VOPP1: variants seen among roughly 807,000 people sequenced by gnomAD.
The protein encoded by VOPP1 is VOPP1 WW domain binding protein.
A neutral mutation model predicts 23.5 loss-of-function variants in VOPP1; 8 were observed. That is an observed-to-expected ratio of 0.34 (90% confidence interval 0.20 to 0.61). VOPP1 has a LOEUF of 0.61. Among genes scored for constraint, VOPP1 ranks in the 20% least tolerant of loss-of-function variants. The probability of loss-of-function intolerance (pLI) is 0.78; values close to 1 mark genes in which losing one functional copy is unlikely to be tolerated. For synonymous variants in VOPP1, 83 were observed against 97.3 expected, an observed-to-expected ratio of 0.85 and a Z score of 0.86; for missense variants, 174 against 238.1, an observed-to-expected ratio of 0.73 and a Z score of 1.77.
At chr7:55,535,523 G>T (rs953899685) in intron 1 of VOPP1, among the ~76,000 whole-genome samples, 2 of 151,930 alleles carry the variant, frequency 1.3e-5, no homozygotes, top group Admixed American at 1.3e-4. Context: ...CCAGTCCCCC[G>T]CCCCGCAGCC....
At chr7:55,493,525 C>G (rs1583907683) in intron 3 of VOPP1, among the ~76,000 whole-genome samples, 1 of 152,250 alleles carries the variant, frequency 6.6e-6, no homozygotes, top group Non-Finnish European at 1.5e-5. Flanking sequence ...TCTTGGAAGG[C>G]TGAGCAGGGA....
chr7:55,561,624 G>T (rs1361879981), intron 1 of VOPP1, among the ~76,000 whole-genome samples: 1 of 151,722 alleles, frequency 6.6e-6, no homozygotes, highest in African/African-American at 2.4e-5. Flanking sequence ...AGGAGAGGGG[G>T]AGGCGGAGGT....
chr7:55,542,017 CAA>C (rs764376915), intron 1 of VOPP1, among the ~76,000 whole-genome samples: 27 of 152,226 alleles, frequency 1.8e-4, no homozygotes, highest in East Asian at 1.7e-3. Flanking sequence ...GTGACTCTAT[CAA>C]AAATTAAATC....
intron 2 of VOPP1, among the ~76,000 whole-genome samples, chr7:55,508,634 T>A (rs961473308): frequency 6.6e-6 from 1 of 152,214 alleles, no homozygotes; most frequent in East Asian, 1.9e-4. Context: ...TTCAGTAAAC[T>A]GCTGATCATT....
At chr7:55,490,181 C>T (rs575651819) in intron 4 of VOPP1, among the ~76,000 whole-genome samples, 127 of 152,146 alleles carry the variant, frequency 8.3e-4, no homozygotes, top group South Asian at 7.5e-3. Context: ...CGATGTGCTT[C>T]TGTTTTTTGT....
intron 4 of VOPP1, among the ~76,000 whole-genome samples, chr7:55,454,405 T>C (rs956420547): frequency 6.6e-6 from 1 of 152,144 alleles, no homozygotes; most frequent in African/African-American, 2.4e-5. Flanking sequence ...TCTGAAACTA[T>C]TCCAAACAAT....
chr7:55,478,567 G>A (rs1333150991), intron 4 of VOPP1, among the ~76,000 whole-genome samples: 1 of 151,936 alleles, frequency 6.6e-6, no homozygotes. Flanking sequence ...AAACTGAAAG[G>A]GAGAAACAAA....
intron 1 of VOPP1, among the ~76,000 whole-genome samples, chr7:55,522,050 G>C (rs1795896679): frequency 6.6e-6 from 1 of 152,200 alleles, no homozygotes; most frequent in Non-Finnish European, 1.5e-5. Flanking sequence ...ACTGGCAAAG[G>C]GACGGCAAAC....
intron 1 of VOPP1, among the ~76,000 whole-genome samples, chr7:55,545,469 C>CA (rs1430150431): frequency 1.3e-5 from 2 of 152,210 alleles, no homozygotes; most frequent in East Asian, 3.9e-4. Context: ...GGGAGGCACT[C>CA]AGAGGCGCAG....
At chr7:55,502,164 A>G (rs1794414585) in intron 2 of VOPP1, among the ~76,000 whole-genome samples, 1 of 152,216 alleles carries the variant, frequency 6.6e-6, no homozygotes, top group Non-Finnish European at 1.5e-5. Context: ...CCCATGCTGG[A>G]GAGAGCAGAC....
chr7:55,522,040 A>G (rs1795896068), intron 1 of VOPP1, among the ~76,000 whole-genome samples: 2 of 152,220 alleles, frequency 1.3e-5, no homozygotes, highest in South Asian at 4.1e-4. Flanking sequence ...CAGCAGGAAC[A>G]CTGGCAAAGG....
chr7:55,492,004 G>A (rs887963278), intron 4 of VOPP1, among the ~76,000 whole-genome samples: 1 of 152,184 alleles, frequency 6.6e-6, no homozygotes, highest in Admixed American at 6.5e-5. Flanking sequence ...TTAAGGAAAA[G>A]GGCAGAGAGC....
At chr7:55,568,734 A>G (rs762387900) in intron 1 of VOPP1, among the ~76,000 whole-genome samples, 48 of 152,250 alleles carry the variant, frequency 3.2e-4, no homozygotes, top group Non-Finnish European at 3.5e-4. Context: ...GGAGGTGCAT[A>G]TGCTTAGGGC....
intron 4 of VOPP1, among the ~76,000 whole-genome samples, chr7:55,461,927 A>G (rs931257547): frequency 6.6e-6 from 1 of 152,034 alleles, no homozygotes; most frequent in Non-Finnish European, 1.5e-5. Context: ...TCTCATTTGT[A>G]TCTGCTCCAC....
At chr7:55,558,231 A>AACC (rs1797873969) in intron 1 of VOPP1, among the ~76,000 whole-genome samples, 1 of 152,124 alleles carries the variant, frequency 6.6e-6, no homozygotes, top group Admixed American at 6.5e-5. Context: ...TAATAATAAT[A>AACC]ACCAGACAGC....
At chr7:55,513,668 G>T (rs193143615) in intron 2 of VOPP1, among the ~76,000 whole-genome samples, 2 of 152,304 alleles carry the variant, frequency 1.3e-5, no homozygotes, top group Admixed American at 6.5e-5. Flanking sequence ...CCTGGTGTCA[G>T]CTGCCAAGTC....
chr7:55,435,795 C>T (rs890977184), downstream of VOPP1, among the ~76,000 whole-genome samples: 5 of 152,350 alleles, frequency 3.3e-5, no homozygotes, highest in East Asian at 1.9e-4. Context: ...GTGGGAAGCT[C>T]GGTTCTTCTG....
At chr7:55,558,074 G>C (rs1424786869) in intron 1 of VOPP1, among the ~76,000 whole-genome samples, 2 of 152,134 alleles carry the variant, frequency 1.3e-5, no homozygotes, top group African/African-American at 2.4e-5. Flanking sequence ...GGGGAAATTA[G>C]GTATTTGTCA....
intron 1 of VOPP1, among the ~76,000 whole-genome samples, chr7:55,568,384 T>C (rs146393517): frequency 0.011 from 1,664 of 152,296 alleles, 11 homozygotes; most frequent in Middle Eastern, 0.024. Context: ...CTGACAACTG[T>C]TCCTTTTTCT....
Sources: gnomAD v4.1 joint callset for allele counts (sites outside exome capture counted in the v4.1 genomes callset) on GRCh38, gnomAD v4.1.1 for gene constraint, MANE v1.5 for transcripts, NCBI Gene and HGNC (gene_info 2026-07-23, HGNC 2026-07-21) for gene names.